Variants in ZNF654 observed in about 807,000 individuals in gnomAD.
The protein encoded by ZNF654 is melanoma-associated antigen.
A neutral mutation model predicts 95.3 loss-of-function variants in ZNF654; 19 were observed. That is an observed-to-expected ratio of 0.20 (90% CI 0.14 to 0.29). The LOEUF (loss-of-function observed/expected upper bound fraction) is 0.29. ZNF654 is among the 10% of genes least tolerant of loss of function. The pLI, the probability that ZNF654 is intolerant of heterozygous loss-of-function variation, is 1.00. For synonymous variants in ZNF654, 413 were observed against 457.9 expected (o/e 0.90, Z 1.25); for missense variants, 1,046 against 1,341.0 (o/e 0.78, Z 3.44).
intron 2 of ZNF654, among the ~76,000 whole-genome samples, chr3:88,093,375 CAG>C (rs1219786578): frequency 6.6e-6 from 1 of 152,138 alleles, no homozygotes; most frequent in Non-Finnish European, 1.5e-5. Flanking sequence ...TTTTACCCAA[CAG>C]AAAGTAAATG....
At chr3:88,097,148 A>G (rs977006302) in intron 2 of ZNF654, among the ~76,000 whole-genome samples, 1 of 152,150 alleles carries the variant, frequency 6.6e-6, no homozygotes, top group African/African-American at 2.4e-5. Context: ...TGACCGGAAT[A>G]TGTACAAGGG....
chr3:88,126,498 T>C (rs571633641), intron 4 of ZNF654, among the ~76,000 whole-genome samples: 36 of 151,430 alleles, frequency 2.4e-4, no homozygotes, highest in Non-Finnish European at 4.7e-4. Flanking sequence ...TGGTAACACA[T>C]CTACTAGATG....
intron 2 of ZNF654, among the ~76,000 whole-genome samples, chr3:88,088,070 A>G (rs1297696853): frequency 6.6e-6 from 1 of 152,236 alleles, no homozygotes; most frequent in East Asian, 1.9e-4. Context: ...CAGATAAGGG[A>G]CACTCAACCT....
intron 1 of ZNF654, among the ~76,000 whole-genome samples, chr3:88,073,004 A>G (rs569704689): frequency 6.6e-6 from 1 of 152,312 alleles, no homozygotes; most frequent in South Asian, 2.1e-4. Context: ...TGAAGAAAGG[A>G]AATAGTATGG....
At chr3:88,076,738 G>A (rs554525018) in intron 1 of ZNF654, among the ~76,000 whole-genome samples, 23 of 151,992 alleles carry the variant, frequency 1.5e-4, no homozygotes, top group Non-Finnish European at 3.4e-4. Context: ...TATTTATGAC[G>A]GAAGCATTTA....
rs762327231 is a variant in ZNF654 at position 88,139,623 on chromosome 3, G to C, written c.1954G>C (p.Glu652Gln). ...TLTASSEGNK[E>Q]VIPEHVAEFI... ...TACTGCTTCTAGTGAAGGAAACAAA[G>C]AAGTCATCCCTGAGCATGTGGCTGA... The change falls in exon 8 of 9, where the codon GAA (glutamate) becomes CAA (glutamine). Residue 652 changes from glutamate (E) to glutamine (Q), a missense_variant. By Grantham distance (29) the Glu-to-Gln change is conservative. Coordinates refer to ENST00000636215, the MANE Select transcript of ZNF654 (RefSeq NM_001350134.2). 5 of 1,613,478 alleles carry C rather than the reference G, an allele frequency of 3.1e-6. No homozygotes were observed. Among genetic ancestry groups the C allele is most frequent in the Non-Finnish European group, 4.2e-6 (5 of 1,179,708 alleles).
At chr3:88,126,579 C>CTTTT (rs144091813) in intron 4 of ZNF654, among the ~76,000 whole-genome samples, 1 of 81,744 alleles carries the variant, frequency 1.2e-5, no homozygotes, top group Non-Finnish European at 2.4e-5. Context: ...GTAGAAACAT[C>CTTTT]TTTTTTTTTT....
chr3:88,099,008 T>G (rs575694805), intron 2 of ZNF654, among the ~76,000 whole-genome samples: 4 of 152,204 alleles, frequency 2.6e-5, no homozygotes, highest in South Asian at 2.1e-4. Flanking sequence ...GAGAAAGAAA[T>G]AAAGGGTATT....
At chr3:88,119,706 G>A (rs1173618769) in intron 3 of ZNF654, among the ~76,000 whole-genome samples, 1 of 152,000 alleles carries the variant, frequency 6.6e-6, no homozygotes, top group Non-Finnish European at 1.5e-5. Flanking sequence ...AAAAAATCTT[G>A]CATGCACCTT....
chr3:88,076,436 A>G (rs1167118303), intron 1 of ZNF654, among the ~76,000 whole-genome samples: 1 of 150,778 alleles, frequency 6.6e-6, no homozygotes, highest in Non-Finnish European at 1.5e-5. Flanking sequence ...TTCTTTTTTG[A>G]TATCTGTCTA....
intron 3 of ZNF654, among the ~76,000 whole-genome samples, chr3:88,123,020 A>G (rs1425752870): frequency 6.6e-6 from 1 of 151,736 alleles, no homozygotes; most frequent in Non-Finnish European, 1.5e-5. Context: ...TCAAAAAAAA[A>G]AAAAAAGTAA....
rs1707030365 is a variant in ZNF654, at chr3:88,140,129, T to A, written c.2460T>A (p.Phe820Leu). The A allele has an allele frequency of 1.2e-6, 2 of 1,613,892 alleles. No individual in the cohort carries two copies. Among genetic ancestry groups the A allele is most frequent in the East Asian group, 4.5e-5 (2 of 44,888 alleles). ...CAAATGTGTATTTTTGTTTGCATTT[T>A]AATTGCAACGAGTCGTTTAAGCTGC... is the stretch of plus-strand genomic sequence containing the variant. ...SYPNVYFCLH[F>L]NCNESFKLPF... is the part of the protein sequence containing the mutation. The change falls in exon 8 of 9, where the codon TTT (phenylalanine) becomes TTA (leucine). Residue 820 changes from phenylalanine (F) to leucine (L), a missense_variant. By Grantham distance (22) the Phe-to-Leu change is conservative. Transcript: ENST00000636215.
At chr3:88,138,025 A>G (rs1706904291) in intron 7 of ZNF654, among the ~76,000 whole-genome samples, 1 of 152,154 alleles carries the variant, frequency 6.6e-6, no homozygotes, top group Non-Finnish European at 1.5e-5. Context: ...TTCCCAAGTA[A>G]AAGCTGATGC....
intron 3 of ZNF654, among the ~76,000 whole-genome samples, 188 bp from the exon 4 acceptor site, chr3:88,125,946 C>T (rs1706074152): frequency 6.6e-6 from 1 of 152,074 alleles, no homozygotes; most frequent in Non-Finnish European, 1.5e-5. Context: ...GCTGTATAAC[C>T]TTTGGCATTA....
chr3:88,071,366 CGGGTGCA>C (rs1559690130), intron 1 of ZNF654, among the ~76,000 whole-genome samples: 1 of 152,008 alleles, frequency 6.6e-6, no homozygotes, highest in African/African-American at 2.4e-5. Flanking sequence ...AAAAATTGGC[CGGGTGCA>C]GTGGCTCACT....
At chr3:88,136,998 C>T (rs1358518721) in intron 7 of ZNF654, among the ~76,000 whole-genome samples, 1 of 151,898 alleles carries the variant, frequency 6.6e-6, no homozygotes, top group African/African-American at 2.4e-5. Context: ...AGTTCAAGAC[C>T]AGTCTGGCCA....
intron 1 of ZNF654, among the ~76,000 whole-genome samples, chr3:88,067,885 T>G (rs1707290689): frequency 6.6e-6 from 1 of 151,582 alleles, no homozygotes; most frequent in South Asian, 2.1e-4. Context: ...TTCTTTTCTT[T>G]CTTTTTTTTT....
chr3:88,061,464 A>C (rs188426734), intron 1 of ZNF654, among the ~76,000 whole-genome samples: 1 of 152,164 alleles, frequency 6.6e-6, no homozygotes, highest in Admixed American at 6.5e-5. Context: ...ACATACTTTC[A>C]TGTTACCAAC....
At chr3:88,091,998 AATCTT>A (rs1000569410) in intron 2 of ZNF654, among the ~76,000 whole-genome samples, 7 of 152,240 alleles carry the variant, frequency 4.6e-5, no homozygotes, top group African/African-American at 7.2e-5. Context: ...AGCAGAAGCA[AATCTT>A]ATCTAAGATG....
Sources: gnomAD v4.1 joint callset for allele counts (sites outside exome capture counted in the v4.1 genomes callset) on GRCh38, gnomAD v4.1.1 for gene constraint, MANE v1.5 for transcripts, NCBI Gene and HGNC (gene_info 2026-07-23, HGNC 2026-07-21) for gene names.